Variants in ACBD3 observed in about 807,000 individuals in gnomAD.
ACBD3 encodes acyl-CoA binding domain containing 3, also known as Golgi resident protein GCP60.
ACBD3 carries 30 observed loss-of-function variants against 66.9 expected under a neutral mutation model. That is an observed-to-expected ratio of 0.45 (90% CI 0.34 to 0.61). The LOEUF (loss-of-function observed/expected upper bound fraction) is 0.61. ACBD3 is among the 20% of genes least tolerant of loss of function. The pLI is 0.02. For synonymous variants in ACBD3, 278 were observed against 259.8 expected (o/e 1.07, Z -0.68); for missense variants, 544 against 664.5 (o/e 0.82, Z 1.99).
rs1659452964 is a variant in ACBD3 at position 226,146,458 on chromosome 1, A to C, written c.*152T>G. ...GTATGAATGCTAAAGAGTCTCAAGG[A>C]AATTTTGATTCCCAGCAAGAGTTCA... is the stretch of plus-strand genomic sequence containing the variant. On this transcript the variant is annotated 3_prime_UTR_variant, in exon 8 of 8. Transcript: ENST00000366812. 1.5e-6 allele frequency: 1 copy of C among 674,052 alleles called. No individual in the cohort carries two copies. The highest frequency in any genetic ancestry group is 2.0e-5 in the South Asian group (1 of 51,216). 41.8% of individuals were successfully genotyped at this position (674,052 alleles called of 1,614,324 possible). A position where few individuals can be genotyped will look rare whatever the true frequency, so the allele number is the denominator to read the frequency against.
chr1:226,177,438 C>T (rs950658566), intron 1 of ACBD3, among the ~76,000 whole-genome samples: 19 of 151,566 alleles, frequency 1.3e-4, no homozygotes, highest in African/African-American at 4.6e-4. Flanking sequence ...CTCGTAGATC[C>T]GCCTGCCTCA....
chr1:226,183,912 C>T (rs1656233415), intron 1 of ACBD3, among the ~76,000 whole-genome samples: 2 of 147,966 alleles, frequency 1.4e-5, no homozygotes, highest in Non-Finnish European at 1.5e-5. Flanking sequence ...AAAAACCAGG[C>T]TGGGCACAGT....
intron 1 of ACBD3, among the ~76,000 whole-genome samples, chr1:226,169,459 C>A (rs576868636): frequency 6.6e-6 from 1 of 151,750 alleles, no homozygotes; most frequent in Non-Finnish European, 1.5e-5. Flanking sequence ...CTGTGTTAGC[C>A]AGGATGGTCT....
At chr1:226,173,102 C>A (rs997999296) in intron 1 of ACBD3, among the ~76,000 whole-genome samples, 2 of 152,074 alleles carry the variant, frequency 1.3e-5, no homozygotes, top group Non-Finnish European at 1.5e-5. Context: ...CCTGTCTCCA[C>A]ACACATACAA....
At chr1:226,163,191 G>C (rs1659803321) in intron 3 of ACBD3, among the ~76,000 whole-genome samples, 1 of 152,150 alleles carries the variant, frequency 6.6e-6, no homozygotes. Flanking sequence ...CTTCAGGATA[G>C]ATGAAGTCTA....
In ACBD3 at chr1:226,145,276, T is replaced by G. The variant is rs1442294035; in HGVS notation, c.*1334A>C. On this transcript the variant is annotated 3_prime_UTR_variant, in exon 8 of 8. Coordinates refer to ENST00000366812, the MANE Select transcript of ACBD3 (RefSeq NM_022735.4). ...AAAAACTCAAACAACCCATATGTAGTGAACTGTATATACTGCAGTTAATGA... is the reference window on the plus strand; with the variant it reads ...AAAAACTCAAACAACCCATATGTAGGGAACTGTATATACTGCAGTTAATGA... 6.6e-6 allele frequency: 1 copy of G among 152,634 alleles called. No individual in the cohort carries two copies. Among genetic ancestry groups the G allele is most frequent in the Non-Finnish European group, 1.5e-5 (1 of 68,036 alleles). The allele number at this position is 152,634 out of a possible 1,614,324, so 9.5% of individuals were successfully genotyped here. A position where few individuals can be genotyped will look rare whatever the true frequency, so the allele number is the denominator to read the frequency against.
Position 226,159,268 on chromosome 1 carries a change from C to T in ACBD3, c.819G>A (p.Gln273=). ...CCTGCAACTGGCGGATGAGAATTTG[C>T]TGCTGTTCGTAGTTCCCTGGATACT... ...AQQYPGNYEQ[Q]QILIRQLQEQ... Residue 273 remains glutamine, a synonymous_variant, in exon 5 of 8, where the codon CAG becomes CAA. Coordinates refer to ENST00000366812, the MANE Select transcript of ACBD3 (RefSeq NM_022735.4). The T allele has an allele frequency of 6.2e-7, 1 of 1,614,190 alleles. No individual in the cohort carries two copies. The highest frequency in any genetic ancestry group is 8.5e-7 in the Non-Finnish European group (1 of 1,180,020).
At chr1:226,173,955 GT>G (rs1399027368) in intron 1 of ACBD3, among the ~76,000 whole-genome samples, 4 of 151,334 alleles carry the variant, frequency 2.6e-5, no homozygotes, top group African/African-American at 4.9e-5. Context: ...TACAGAAGGG[GT>G]TTCACCATGT....
intron 6 of ACBD3, 144 bp from the exon 7 acceptor site, chr1:226,152,763 A>G (rs868526747): frequency 1.3e-6 from 1 of 784,338 alleles, no homozygotes; most frequent in Non-Finnish European, 2.0e-6. Context: ...GGAGGAATAA[A>G]AAAGCCTCCC....
intron 3 of ACBD3, among the ~76,000 whole-genome samples, chr1:226,162,623 C>G (rs968657284): frequency 1.3e-5 from 2 of 151,934 alleles, no homozygotes; most frequent in Non-Finnish European, 2.9e-5. Flanking sequence ...GTTCAGGGAG[C>G]CTGCAGACAG....
intron 1 of ACBD3, among the ~76,000 whole-genome samples, chr1:226,181,719 AAATT>A (rs1297022993): frequency 3.3e-5 from 5 of 152,232 alleles, no homozygotes; most frequent in African/African-American, 4.8e-5. Flanking sequence ...CTGAAATCTT[AAATT>A]AATGTAAACA....
Position 226,169,941 on chromosome 1 carries a change from C to T in ACBD3, c.287-3941G>A, listed in dbSNP as rs564099669. Among the ~76,000 whole-genome samples the T allele has an allele frequency of 3.7e-4, 54 of 145,682 alleles. 1 individual carries two copies. In the South Asian group the frequency reaches 0.012, roughly 32 times the overall value. On this transcript the variant is annotated intron_variant, in intron 1 of 7. Transcript: ENST00000366812. The stretch of plus-strand genomic sequence containing the variant: ...TCAGGGAGCTGAGGCAGGAGAATCG[C>T]TTGAACGAGATGGAGGTTGCAGCGA...
chr1:226,170,333 A>ATTTTTT lies in ACBD3; in HGVS notation c.287-4339_287-4334dup, dbSNP rs71574563. ...CCACCACGCCCAGCTAATTTTTTGA[A>ATTTTTT]TTTTTTTTTTTTTTTTTTTTTTAGT... On this transcript the variant is annotated intron_variant, in intron 1 of 7. Transcript: ENST00000366812. 1.2e-4 allele frequency among the ~76,000 whole-genome samples: 13 copies of ATTTTTT among 109,786 alleles called. 3 individuals are homozygous for ATTTTTT. The highest frequency in any genetic ancestry group is 2.1e-4 in the Non-Finnish European group (12 of 57,544). The allele number at this position is 109,786 out of a possible 152,430, so 72.0% of individuals were successfully genotyped here.
chr1:226,161,481 A>G (rs753127010), intron 4 of ACBD3, 50 bp downstream of exon 4: 1 of 1,601,470 alleles, frequency 6.2e-7, no homozygotes, highest in Non-Finnish European at 8.5e-7. Context: ...TTTTTATTCT[A>G]TTTTTTTTCC....
intron 1 of ACBD3, among the ~76,000 whole-genome samples, chr1:226,172,950 T>C (rs1040243461): frequency 2.0e-5 from 3 of 152,032 alleles, no homozygotes; most frequent in African/African-American, 7.2e-5. Flanking sequence ...ATGAAGACCC[T>C]GTCTAAACAA....
At chr1:226,186,105 T>G (rs1656296073) in intron 1 of ACBD3, among the ~76,000 whole-genome samples, 1 of 152,206 alleles carries the variant, frequency 6.6e-6, no homozygotes, top group Non-Finnish European at 1.5e-5. Flanking sequence ...CCACCAGGGC[T>G]CCTGGAAATC....
chr1:226,183,845 T>C (rs751903002), intron 1 of ACBD3, among the ~76,000 whole-genome samples: 59 of 136,180 alleles, frequency 4.3e-4, no homozygotes, highest in Non-Finnish European at 8.0e-4. Flanking sequence ...GATCGCGCCA[T>C]TGCACTCTAG....
At chr1:226,147,619 G>A (rs1414136442) in intron 7 of ACBD3, among the ~76,000 whole-genome samples, 1 of 152,176 alleles carries the variant, frequency 6.6e-6, no homozygotes, top group East Asian at 1.9e-4. Flanking sequence ...AATATAAGCA[G>A]TAAAATGAAA....
Position 226,177,164 on chromosome 1 carries a change from GTTTTTTT to G in ACBD3, c.286+9219_286+9225del, listed in dbSNP as rs35506283. Among the ~76,000 whole-genome samples, 3 of 130,450 alleles carry G rather than the reference GTTTTTTT, an allele frequency of 2.3e-5. No homozygotes were observed. In the South Asian group the frequency reaches 7.6e-4, roughly 33 times the overall value. 85.6% of individuals were successfully genotyped at this position (130,450 alleles called of 152,430 possible). A position where few individuals can be genotyped will look rare whatever the true frequency, so the allele number is the denominator to read the frequency against. ...CAGAGGAACAAATTCCCATGTAGCT[GTTTTTTT>G]TTTTTTTTTTTTTAGACGGAGTCTT... is the stretch of plus-strand genomic sequence containing the variant. On this transcript the variant is annotated intron_variant, in intron 1 of 7. Transcript: ENST00000366812.
Sources: allele counts gnomAD v4.1 joint callset (sites outside exome capture counted in the v4.1 genomes callset), GRCh38; gene constraint gnomAD v4.1.1; transcripts MANE v1.5; gene names NCBI Gene and HGNC (gene_info 2026-07-23, HGNC 2026-07-21).